TAFA1: variants seen among roughly 807,000 people sequenced by gnomAD.
The protein encoded by TAFA1 is TAFA chemokine like family member 1, also known as chemokine-like protein TAFA-1.
In TAFA1, 4 loss-of-function variants were observed where a neutral mutation model predicts 18.5. That is an observed-to-expected ratio of 0.22 (90% CI 0.11 to 0.49). The LOEUF (loss-of-function observed/expected upper bound fraction) is 0.49, where lower values mean the gene tolerates loss of function less well. Among genes scored for constraint, TAFA1 ranks in the 20% least tolerant of loss-of-function variants. The pLI is 0.98. For missense variants in TAFA1, 147 were observed against 169.0 expected (o/e 0.87, Z 0.72); for synonymous variants, 56 against 55.2 (o/e 1.01, Z -0.06).
At chr3:68,244,248 A>G (rs1438240484) in intron 2 of TAFA1, among the ~76,000 whole-genome samples, 1 of 152,202 alleles carries the variant, frequency 6.6e-6, no homozygotes, top group Non-Finnish European at 1.5e-5. Context: ...TTTGCAGATC[A>G]AAAGTTTCTA....
At chr3:68,425,792 A>G (rs1160464374) in intron 3 of TAFA1, among the ~76,000 whole-genome samples, 1 of 151,920 alleles carries the variant, frequency 6.6e-6, no homozygotes, top group Non-Finnish European at 1.5e-5. Flanking sequence ...AGCAGTTGCC[A>G]GTTTCCAGCC....
At chr3:68,009,541 C>T (rs1704429769) in intron 2 of TAFA1, among the ~76,000 whole-genome samples, 1 of 152,162 alleles carries the variant, frequency 6.6e-6, no homozygotes, top group Non-Finnish European at 1.5e-5. Context: ...ACATCTGAGA[C>T]CCATTTCAGC....
At chr3:68,349,706 C>A (rs941621758) in intron 2 of TAFA1, among the ~76,000 whole-genome samples, 3 of 152,054 alleles carry the variant, frequency 2.0e-5, no homozygotes, top group Non-Finnish European at 4.4e-5. Flanking sequence ...AAGCAATATG[C>A]AAATGAATGG....
chr3:68,336,732 A>G (rs1482401565), intron 2 of TAFA1, among the ~76,000 whole-genome samples: 6 of 152,070 alleles, frequency 3.9e-5, no homozygotes, highest in African/African-American at 7.2e-5. Context: ...TTGATTATTT[A>G]TTTATTTATT....
intron 3 of TAFA1, among the ~76,000 whole-genome samples, chr3:68,495,729 C>CT (rs2072534433): frequency 6.6e-6 from 1 of 152,028 alleles, no homozygotes; most frequent in Non-Finnish European, 1.5e-5. Flanking sequence ...GGACAGGTAT[C>CT]TAAAACAACT....
At chr3:68,099,855 A>C (rs1221181256) in intron 2 of TAFA1, among the ~76,000 whole-genome samples, 1 of 152,218 alleles carries the variant, frequency 6.6e-6, no homozygotes, top group Non-Finnish European at 1.5e-5. Flanking sequence ...AGCAACATAC[A>C]TGCAGCTGGA....
chr3:68,132,565 A>G (rs1448694189), intron 2 of TAFA1, among the ~76,000 whole-genome samples: 3 of 152,140 alleles, frequency 2.0e-5, no homozygotes, highest in South Asian at 4.1e-4. Flanking sequence ...AATGATCACC[A>G]TTCTAACTGG....
chr3:68,188,507 T>TTTTATA (rs1553650355), intron 2 of TAFA1, among the ~76,000 whole-genome samples: 1 of 145,714 alleles, frequency 6.9e-6, no homozygotes, highest in South Asian at 2.1e-4. Context: ...GTATATATAT[T>TTTTATA]TATATATATA....
chr3:68,089,394 G>A (rs1002735630), intron 2 of TAFA1, among the ~76,000 whole-genome samples: 1 of 152,180 alleles, frequency 6.6e-6, no homozygotes, highest in African/African-American at 2.4e-5. Flanking sequence ...TCATTACAAT[G>A]ATGGAAGTAT....
intron 3 of TAFA1, among the ~76,000 whole-genome samples, chr3:68,506,493 C>A (rs527847441): frequency 4.1e-5 from 5 of 123,144 alleles, no homozygotes; most frequent in Non-Finnish European, 9.3e-5. Context: ...ACACACAGAG[C>A]AAATATGCTT....
At chr3:68,215,258 G>T (rs1162803804) in intron 2 of TAFA1, among the ~76,000 whole-genome samples, 1 of 152,048 alleles carries the variant, frequency 6.6e-6, no homozygotes, top group Non-Finnish European at 1.5e-5. Flanking sequence ...GCAGTGTGGT[G>T]CTTAAGAAGC....
chr3:68,260,046 C>T (rs1329462729), intron 2 of TAFA1, among the ~76,000 whole-genome samples: 1 of 152,166 alleles, frequency 6.6e-6, no homozygotes, highest in East Asian at 1.9e-4. Flanking sequence ...CCAGTTTTTG[C>T]CCATTCAATA....
At chr3:68,041,447 G>C (rs1559713837) in intron 2 of TAFA1, among the ~76,000 whole-genome samples, 2 of 152,172 alleles carry the variant, frequency 1.3e-5, no homozygotes, top group Admixed American at 1.3e-4. Flanking sequence ...ACTATTTCAT[G>C]CATCTTTGCT....
At chr3:68,116,803 C>T (rs1461000244) in intron 2 of TAFA1, among the ~76,000 whole-genome samples, 3 of 152,142 alleles carry the variant, frequency 2.0e-5, no homozygotes, top group Non-Finnish European at 4.4e-5. Context: ...GACCTTTGGG[C>T]CAAATCCAGC....
In TAFA1 at chr3:68,330,569, T is replaced by A. The variant is rs377559285; in HGVS notation, c.119-86711T>A. Among the ~76,000 whole-genome samples, 14 of 152,306 alleles carry A rather than the reference T, an allele frequency of 9.2e-5. No homozygotes were observed. In the East Asian group the frequency reaches 1.3e-3, roughly 15 times the overall value. On this transcript the variant is annotated intron_variant, in intron 2 of 4. Transcript: ENST00000478136. ...GCTTTATGTGTGTTATCACACTTAA[T>A]CCCCAAAACAACCCTGGGATGCAAG...
chr3:67,991,660 A>C, the TAFA1 span, among the ~76,000 whole-genome samples: 3 of 152,182 alleles, frequency 2.0e-5, no homozygotes, highest in African/African-American at 4.8e-5. Flanking sequence ...CTGGGTTCTT[A>C]GGCCTTTGGC....
intron 2 of TAFA1, among the ~76,000 whole-genome samples, chr3:68,321,714 C>T (rs1430923593): frequency 6.6e-6 from 1 of 152,144 alleles, no homozygotes; most frequent in East Asian, 1.9e-4. Flanking sequence ...CATCCATCCC[C>T]ATCACCTCCT....
intron 2 of TAFA1, among the ~76,000 whole-genome samples, chr3:68,383,940 T>C (rs915617369): frequency 2.0e-5 from 3 of 152,148 alleles, no homozygotes; most frequent in African/African-American, 7.2e-5. Context: ...ATTCATTTCT[T>C]CTAGATTTTC....
chr3:68,458,233 T>C (rs1359652280), intron 3 of TAFA1, among the ~76,000 whole-genome samples: 1 of 152,112 alleles, frequency 6.6e-6, no homozygotes, highest in Non-Finnish European at 1.5e-5. Flanking sequence ...ATGTAGGACA[T>C]GCCTGCTTCC....
Sources: gnomAD v4.1 joint callset for allele counts (sites outside exome capture counted in the v4.1 genomes callset) on GRCh38, gnomAD v4.1.1 for gene constraint, MANE v1.5 for transcripts, NCBI Gene and HGNC (gene_info 2026-07-23, HGNC 2026-07-21) for gene names.